KCNMA1: variants seen among roughly 807,000 people sequenced by gnomAD.
KCNMA1 encodes Calcium-activated potassium channel subunit alpha-1.
Under a neutral mutation model 140.0 loss-of-function variants are expected in KCNMA1, and 29 were observed. The observed-to-expected ratio is 0.21, with a 90% CI of 0.15 to 0.28. The LOEUF (loss-of-function observed/expected upper bound fraction) is 0.28, where lower values mean the gene tolerates loss of function less well. Among genes scored for constraint, KCNMA1 ranks in the 10% least tolerant of loss-of-function variants. KCNMA1 has a pLI of 1.00. For synonymous variants in KCNMA1, 612 were observed against 611.9 expected (o/e 1.00, Z 0.00); for missense variants, 880 against 1,602.2 (o/e 0.55, Z 7.70).
chr10:77,026,836 T>C (rs1413075677), intron 16 of KCNMA1, among the ~76,000 whole-genome samples: 3 of 152,220 alleles, frequency 2.0e-5, no homozygotes, highest in Non-Finnish European at 4.4e-5. Flanking sequence ...AAAGTCTGGC[T>C]GTATTGGGTT....
At chr10:77,009,325 T>C (rs759038268) in intron 18 of KCNMA1, among the ~76,000 whole-genome samples, 1 of 152,194 alleles carries the variant, frequency 6.6e-6, no homozygotes, top group Non-Finnish European at 1.5e-5. Context: ...AGGATGAAGC[T>C]AAAGCCTGCT....
chr10:77,206,597 C>T (rs2044196947), intron 3 of KCNMA1, among the ~76,000 whole-genome samples: 1 of 152,134 alleles, frequency 6.6e-6, no homozygotes, highest in Non-Finnish European at 1.5e-5. Context: ...TGAGCTCTAA[C>T]CATACTCATC....
chr10:77,307,693 C>T (rs553679098), intron 2 of KCNMA1, among the ~76,000 whole-genome samples: 29 of 152,136 alleles, frequency 1.9e-4, no homozygotes, highest in African/African-American at 2.4e-4. Flanking sequence ...ACTACAGGCG[C>T]GCACCACCAC....
chr10:76,981,925 G>T (rs1314206815), intron 19 of KCNMA1, among the ~76,000 whole-genome samples: 1 of 152,128 alleles, frequency 6.6e-6, no homozygotes, highest in Non-Finnish European at 1.5e-5. Context: ...AGCTACAGAG[G>T]CGATGTTGCA....
chr10:77,451,762 C>A (rs2097664429), intron 1 of KCNMA1, among the ~76,000 whole-genome samples: 1 of 152,170 alleles, frequency 6.6e-6, no homozygotes, highest in Non-Finnish European at 1.5e-5. Flanking sequence ...CCTATCAGGG[C>A]ACCTATATTT....
intron 5 of KCNMA1, among the ~76,000 whole-genome samples, chr10:77,156,539 G>A (rs2098486330): frequency 6.6e-6 from 1 of 152,132 alleles, no homozygotes. Flanking sequence ...TTTAAGCAAG[G>A]ACAGTAATAG....
chr10:77,548,498 T>C (rs1046185311), intron 1 of KCNMA1, among the ~76,000 whole-genome samples: 1 of 152,220 alleles, frequency 6.6e-6, no homozygotes, highest in African/African-American at 2.4e-5. Flanking sequence ...ACTCCCAGCA[T>C]GTACACATGT....
intron 1 of KCNMA1, among the ~76,000 whole-genome samples, chr10:77,608,928 AGAG>A (rs369857604): frequency 1.1e-5 from 1 of 92,558 alleles, no homozygotes; most frequent in Non-Finnish European, 2.4e-5. Context: ...AAGCAAAAAA[AGAG>A]AGAGAGAGAG....
At chr10:77,466,720 G>A (rs1211995420) in intron 1 of KCNMA1, among the ~76,000 whole-genome samples, 8 of 152,174 alleles carry the variant, frequency 5.3e-5, no homozygotes, top group Non-Finnish European at 1.2e-4. Flanking sequence ...GAAAGGTAAG[G>A]AGGGGAGAAT....
intron 1 of KCNMA1, among the ~76,000 whole-genome samples, chr10:77,555,153 G>A (rs1459827604): frequency 6.6e-6 from 1 of 152,024 alleles, no homozygotes; most frequent in African/African-American, 2.4e-5. Flanking sequence ...ATAGGGAGGT[G>A]GGCTGGGGAG....
At chr10:77,345,079 G>A (rs1297046346) in intron 2 of KCNMA1, among the ~76,000 whole-genome samples, 4 of 152,326 alleles carry the variant, frequency 2.6e-5, no homozygotes, top group African/African-American at 9.6e-5. Flanking sequence ...GCCAGGATTT[G>A]AAACCAGAGA....
At chr10:77,451,367 G>A (rs1478804330) in intron 1 of KCNMA1, among the ~76,000 whole-genome samples, 1 of 152,192 alleles carries the variant, frequency 6.6e-6, no homozygotes, top group East Asian at 1.9e-4. Context: ...ACCAGCGAGA[G>A]GTCACATCTG....
At chr10:77,100,266 G>C (rs1231751783) in intron 9 of KCNMA1, among the ~76,000 whole-genome samples, 1 of 152,160 alleles carries the variant, frequency 6.6e-6, no homozygotes, top group African/African-American at 2.4e-5. Flanking sequence ...CTATACACTA[G>C]CTGACATTTG....
Position 76,885,765 on chromosome 10 carries a change from C to A in KCNMA1, c.*1501G>T, listed in dbSNP as rs2036608689. On this transcript the variant is annotated 3_prime_UTR_variant, in exon 28 of 28. Coordinates refer to ENST00000286628, the MANE Select transcript of KCNMA1 (RefSeq NM_001161352.2). ...CTGCCTAAAGCATGATTTGCATGCACAAAGCATCTGACAACTATATGTTGA... is the reference window on the plus strand; with the variant it reads ...CTGCCTAAAGCATGATTTGCATGCAAAAAGCATCTGACAACTATATGTTGA... The A allele has an allele frequency of 1.0e-6, 1 of 985,044 alleles. No individual in the cohort carries two copies. Among genetic ancestry groups the A allele is most frequent in the South Asian group, 4.7e-5 (1 of 21,274 alleles). 61.0% of individuals were successfully genotyped at this position (985,044 alleles called of 1,614,324 possible). A position where few individuals can be genotyped will look rare whatever the true frequency, so the allele number is the denominator to read the frequency against.
intron 1 of KCNMA1, among the ~76,000 whole-genome samples, chr10:77,614,639 C>A (rs2088596046): frequency 6.6e-6 from 1 of 152,174 alleles, no homozygotes; most frequent in South Asian, 2.1e-4. Context: ...CTTCACCCTA[C>A]ATGTAATGGA....
intron 2 of KCNMA1, among the ~76,000 whole-genome samples, chr10:77,312,853 A>G (rs1261306721): frequency 1.3e-5 from 2 of 152,192 alleles, no homozygotes; most frequent in African/African-American, 4.8e-5. Flanking sequence ...GCAGCAACTC[A>G]GAACTACAGC....
intron 2 of KCNMA1, among the ~76,000 whole-genome samples, chr10:77,384,413 G>A (rs570997766): frequency 6.6e-6 from 1 of 152,306 alleles, no homozygotes; most frequent in Admixed American, 6.5e-5. Flanking sequence ...CTGGTGCTCG[G>A]ATCATTGGTG....
chr10:77,063,976 C>T, intron 14 of KCNMA1: 1 of 985,396 alleles, frequency 1.0e-6, no homozygotes, highest in Non-Finnish European at 1.2e-6. Context: ...GGGTGAGTGT[C>T]AGCTTCTACT....
Position 77,019,077 on chromosome 10 carries a change from G to C in KCNMA1, c.1951C>G (p.His651Asp). ...AAAGTACCTTCTTGGATCTTAAGAT[G>C]GTTTCCAGGATTAATTAATATACTG... The part of the protein sequence containing the change: ...ESRILINPGN[H>D]LKIQEGTLGF... Residue 651 changes from histidine to aspartate, a missense_variant, in exon 17 of 28, where the codon CAT becomes GAT. By Grantham distance (81) the His-to-Asp change is moderately conservative (BLOSUM62 -1). Around this residue, in one of 13 missense-constraint regions of KCNMA1, gnomAD observed 196 missense variants for 233.0 expected, o/e 0.84. Transcript: ENST00000286628. The C allele has an allele frequency of 6.3e-7, 1 of 1,580,600 alleles. No homozygotes were observed. Among genetic ancestry groups the C allele is most frequent in the Non-Finnish European group, 8.7e-7 (1 of 1,149,886 alleles).
Sources: gnomAD v4.1 joint callset for allele counts (sites outside exome capture counted in the v4.1 genomes callset) on GRCh38, gnomAD v4.1.1 for gene constraint, gnomAD v4.1.1 regional missense constraint, MANE v1.5 for transcripts, NCBI Gene and HGNC (gene_info 2026-07-23, HGNC 2026-07-21) for gene names.